Variants in CNTN4 observed in about 807,000 individuals in gnomAD.
CNTN4 encodes the protein contactin 4.
Under a neutral mutation model 122.5 loss-of-function variants are expected in CNTN4, and 77 were observed. That is an observed-to-expected ratio of 0.63 (90% CI 0.52 to 0.76). The LOEUF (loss-of-function observed/expected upper bound fraction) is 0.76, where lower values mean the gene tolerates loss of function less well. Ranked by LOEUF, CNTN4 falls within the 30% of genes least tolerant of loss-of-function variation. The pLI is 0.00. For synonymous variants in CNTN4, 512 were observed against 447.0 expected (o/e 1.15, Z -1.83); for missense variants, 1,256 against 1,259.1 (o/e 1.00, Z 0.04).
chr3:2,446,162 G>A (rs1238303024), intron 3 of CNTN4, among the ~76,000 whole-genome samples: 2 of 152,146 alleles, frequency 1.3e-5, no homozygotes, highest in East Asian at 3.8e-4. Flanking sequence ...CCTTAACCTT[G>A]GAGAGACCCT....
chr3:2,497,384 C>A (rs1228799785), intron 3 of CNTN4, among the ~76,000 whole-genome samples: 1 of 152,198 alleles, frequency 6.6e-6, no homozygotes, highest in African/African-American at 2.4e-5. Context: ...TTTTCACCCT[C>A]AAATGACTTA....
At position 2,505,835 on chromosome 3, in the gene CNTN4, C is replaced by T. The variant is rs1298680541; in HGVS notation, c.-88-65581C>T. Among the ~76,000 whole-genome samples, 5 of 152,272 alleles carry T rather than the reference C, an allele frequency of 3.3e-5. No individual in the cohort carries two copies. The East Asian group carries it at 5.8e-4, about 18-fold the overall frequency. The stretch of plus-strand genomic sequence containing the variant: ...AAAGAGAAACTTGAACTCTGCTTTA[C>T]GCTCTGATTTACGTGTGTTCTAAAA... On this transcript the variant is annotated intron_variant, in intron 3 of 24. Coordinates refer to ENST00000418658, the MANE Select transcript of CNTN4 (RefSeq NM_175607.3).
chr3:2,163,059 T>C (rs2036033616), intron 2 of CNTN4, among the ~76,000 whole-genome samples: 1 of 152,206 alleles, frequency 6.6e-6, no homozygotes, highest in Admixed American at 6.5e-5. Flanking sequence ...GTCATGCCAC[T>C]GCACCCCAGC....
chr3:2,911,128 G>T (rs2094294656), intron 12 of CNTN4, among the ~76,000 whole-genome samples: 1 of 152,154 alleles, frequency 6.6e-6, no homozygotes, highest in South Asian at 2.1e-4. Context: ...ACCTAAGGGA[G>T]TGGTTTCCGT....
intron 2 of CNTN4, among the ~76,000 whole-genome samples, chr3:2,146,558 T>G (rs2035255908): frequency 6.6e-6 from 1 of 152,194 alleles, no homozygotes; most frequent in Non-Finnish European, 1.5e-5. Flanking sequence ...AGTGCTCACT[T>G]GATATTTTAC....
intron 3 of CNTN4, among the ~76,000 whole-genome samples, chr3:2,464,017 A>G (rs1367709177): frequency 6.6e-6 from 1 of 152,158 alleles, no homozygotes; most frequent in Non-Finnish European, 1.5e-5. Context: ...CTTTAAAAAC[A>G]ATATTTGCAC....
At chr3:2,320,517 G>C (rs2043242976) in intron 2 of CNTN4, among the ~76,000 whole-genome samples, 1 of 152,036 alleles carries the variant, frequency 6.6e-6, no homozygotes, top group African/African-American at 2.4e-5. Flanking sequence ...TGTATCCCAG[G>C]TGGATAACTG....
intron 6 of CNTN4, among the ~76,000 whole-genome samples, chr3:2,776,228 A>G (rs554416792): frequency 3.3e-5 from 5 of 150,850 alleles, no homozygotes; most frequent in Admixed American, 2.0e-4. Flanking sequence ...TTTTCCATAC[A>G]GGATTGGTGA....
At chr3:2,727,604 A>G (rs568353971) in intron 4 of CNTN4, among the ~76,000 whole-genome samples, 5 of 152,212 alleles carry the variant, frequency 3.3e-5, no homozygotes, top group East Asian at 3.9e-4. Context: ...GCAATGCACA[A>G]TTTTTCCCCA....
rs967022239 is a variant in CNTN4, at chr3:2,202,825, A to AT, written c.-145+102196dup. 8.0e-4 allele frequency among the ~76,000 whole-genome samples: 118 copies of AT among 148,032 alleles called. 1 individual carries two copies. Among genetic ancestry groups the AT allele is most frequent in the African/African-American group, 2.5e-3 (102 of 40,348 alleles). On this transcript the variant is annotated intron_variant, in intron 2 of 24. Coordinates refer to ENST00000418658, the MANE Select transcript of CNTN4 (RefSeq NM_175607.3). ...GCCATGTGTTTTTTGTAACAATTAC[A>AT]TTTTTTTTTTCTTTTTGAGATGGTG...
At chr3:2,288,520 T>G (rs1020919892) in intron 2 of CNTN4, among the ~76,000 whole-genome samples, 1 of 152,086 alleles carries the variant, frequency 6.6e-6, no homozygotes, top group Non-Finnish European at 1.5e-5. Flanking sequence ...CCTTGCAACA[T>G]TGAGGATCGG....
At chr3:3,053,207 G>C (rs1701441747) in intron 23 of CNTN4, among the ~76,000 whole-genome samples, 1 of 152,246 alleles carries the variant, frequency 6.6e-6, no homozygotes, top group South Asian at 2.1e-4. Flanking sequence ...GCTAATTTTT[G>C]TATTTTTTGT....
intron 3 of CNTN4, among the ~76,000 whole-genome samples, chr3:2,395,935 A>G (rs1179591279): frequency 2.6e-5 from 4 of 152,144 alleles, no homozygotes; most frequent in African/African-American, 7.2e-5. Flanking sequence ...CTACATGTGA[A>G]TTCTTGTGCT....
At chr3:3,050,012 C>T (rs1020172371) in intron 23 of CNTN4, among the ~76,000 whole-genome samples, 1 of 152,218 alleles carries the variant, frequency 6.6e-6, no homozygotes, top group South Asian at 2.1e-4. Flanking sequence ...AGTTTATTGA[C>T]ACCCAGTGCT....
At chr3:3,003,704 A>AAAAAAAAAAAC (rs1553722330) in intron 14 of CNTN4, among the ~76,000 whole-genome samples, 7 of 140,066 alleles carry the variant, frequency 5.0e-5, no homozygotes, top group African/African-American at 7.7e-5. Context: ...AAAAAAAAAA[A>AAAAAAAAAAAC]AAAAAAAAAA....
intron 2 of CNTN4, among the ~76,000 whole-genome samples, chr3:2,338,272 G>C (rs539531635): frequency 6.6e-6 from 1 of 151,960 alleles, no homozygotes; most frequent in African/African-American, 2.4e-5. Flanking sequence ...ATATAGAGAT[G>C]AATTATTTTG....
At chr3:2,898,888 C>A (rs2094142742) in intron 10 of CNTN4, among the ~76,000 whole-genome samples, 1 of 152,158 alleles carries the variant, frequency 6.6e-6, no homozygotes, top group Non-Finnish European at 1.5e-5. Flanking sequence ...CCATCAAATT[C>A]TCCAAGCAGA....
At chr3:2,197,050 G>GAAA (rs756328918) in intron 2 of CNTN4, among the ~76,000 whole-genome samples, 74 of 86,152 alleles carry the variant, frequency 8.6e-4, no homozygotes, top group Non-Finnish European at 1.1e-3. Context: ...GGTCTCACCA[G>GAAA]AAAAAAAAAA....
intron 2 of CNTN4, among the ~76,000 whole-genome samples, chr3:2,151,718 G>A (rs2035502013): frequency 6.6e-6 from 1 of 152,128 alleles, no homozygotes; most frequent in African/African-American, 2.4e-5. Context: ...CTAATGAGTT[G>A]TCATGAAAGT....
Sources: gnomAD v4.1 joint callset for allele counts (sites outside exome capture counted in the v4.1 genomes callset) on GRCh38, gnomAD v4.1.1 for gene constraint, MANE v1.5 for transcripts, NCBI Gene and HGNC (gene_info 2026-07-23, HGNC 2026-07-21) for gene names.